CDC42BPB: variants seen among roughly 807,000 people sequenced by gnomAD.
CDC42BPB encodes serine/threonine-protein kinase MRCK beta.
A neutral mutation model predicts 214.9 loss-of-function variants in CDC42BPB; 37 were observed. The ratio of observed to expected loss-of-function variants is 0.17; its 90% CI spans 0.13 to 0.23. The LOEUF (loss-of-function observed/expected upper bound fraction) is 0.23, where lower values mean the gene tolerates loss of function less well. Ranked by LOEUF, CDC42BPB falls within the 10% of genes least tolerant of loss-of-function variation. The pLI, the probability that CDC42BPB is intolerant of heterozygous loss-of-function variation, is 1.00. For synonymous variants in CDC42BPB, 931 were observed against 884.0 expected (o/e 1.05, Z -0.94); for missense variants, 1,694 against 2,227.0 (o/e 0.76, Z 4.82).
chr14:102,974,133 C>T lies in CDC42BPB; in HGVS notation c.1524G>A (p.Glu508=), dbSNP rs774054692. 5.0e-6 allele frequency: 8 copies of T among 1,613,668 alleles called. No homozygotes were observed. The highest frequency in any genetic ancestry group is 1.3e-5 in the African/African-American group (1 of 74,918). The stretch of plus-strand genomic sequence containing the variant: ...GCGCCACTGTGTCCTCAAGCTGTCG[C>T]TCGAGCCTGTTTGAATCTGGACAAA... ...KNKIADSNRL[E]RQLEDTVALR... Residue 508 remains glutamate (E), a synonymous_variant, in exon 12 of 37, where the codon GAG becomes GAA. Coordinates refer to ENST00000361246, the MANE Select transcript of CDC42BPB (RefSeq NM_006035.4).
chr14:103,038,405 G>A (rs1887793323), intron 1 of CDC42BPB, among the ~76,000 whole-genome samples: 1 of 151,544 alleles, frequency 6.6e-6, no homozygotes, highest in Admixed American at 6.6e-5. Flanking sequence ...GGGCAACCCA[G>A]ATGTCCATCA....
In CDC42BPB at chr14:102,943,025, C is replaced by T. The variant is rs542075935; in HGVS notation, c.4408+866G>A. 5.9e-5 allele frequency among the ~76,000 whole-genome samples: 9 copies of T among 152,310 alleles called. No individual in the cohort carries two copies. The East Asian group carries it at 1.5e-3, about 26-fold the overall frequency. On this transcript the variant is annotated intron_variant, in intron 30 of 36. Transcript: ENST00000361246. This position sits in a 1 kb window ranked among gnomAD's most constrained non-coding sequence, Gnocchi z 4.6. ...CTGGGACTACAGGCGCCCGCCACCA[C>T]GCCCGGCTAATTTTTTTTTGTATTT...
chr14:102,950,086 C>A, intron 25 of CDC42BPB, 182 bp from the exon 26 acceptor site: 1 of 985,448 alleles, frequency 1.0e-6, no homozygotes, highest in Non-Finnish European at 1.2e-6. Flanking sequence ...TGGCAGCAGA[C>A]GGTGCCAGGG....
At chr14:103,002,018 T>C (rs1895010235) in intron 4 of CDC42BPB, among the ~76,000 whole-genome samples, 1 of 152,212 alleles carries the variant, frequency 6.6e-6, no homozygotes, top group Non-Finnish European at 1.5e-5. Context: ...GTTAAGCCAG[T>C]AAGTTTTAGT....
At chr14:102,967,416 T>G (rs1893261154) in intron 16 of CDC42BPB, 1 of 913,348 alleles carries the variant, frequency 1.1e-6, no homozygotes, top group Non-Finnish European at 1.3e-6. Context: ...ATCTTTTCGC[T>G]GAATACAAAC....
At chr14:102,993,115 C>G (rs976482598) in intron 5 of CDC42BPB, among the ~76,000 whole-genome samples, 2 of 152,184 alleles carry the variant, frequency 1.3e-5, no homozygotes, top group African/African-American at 4.8e-5. Flanking sequence ...CAGGCGTGAG[C>G]CACTGCACCT....
At chr14:102,942,430 A>G (rs377174409) in intron 30 of CDC42BPB, among the ~76,000 whole-genome samples, 9 of 151,886 alleles carry the variant, frequency 5.9e-5, no homozygotes, top group African/African-American at 2.2e-4. Context: ...TCATTCCCCA[A>G]CTCTTGGCCT....
At chr14:103,022,037 C>A (rs1251498500) in intron 1 of CDC42BPB, among the ~76,000 whole-genome samples, 1 of 152,070 alleles carries the variant, frequency 6.6e-6, no homozygotes, top group Non-Finnish European at 1.5e-5. Flanking sequence ...AGAGAGAAGC[C>A]CAAGGTGCCC....
intron 7 of CDC42BPB, among the ~76,000 whole-genome samples, chr14:102,982,321 C>A (rs1320458013): frequency 6.6e-6 from 1 of 152,226 alleles, no homozygotes; most frequent in Non-Finnish European, 1.5e-5. Context: ...CAGTGTTAAT[C>A]TGCTCCCTGT....
In CDC42BPB at chr14:102,944,521, G is replaced by A. The variant is rs535331113; in HGVS notation, c.3812-34C>T. On this transcript the variant is annotated intron_variant, in intron 29 of 36. Transcript: ENST00000361246. The surrounding 1 kb of genome is among the most constrained non-coding windows in gnomAD (Gnocchi z 6.6). ...AGGAGGACAAGAGCGTGAGGCCGAC[G>A]GGACAGCCAGCAGCTCCCAGGGGCT... is the stretch of plus-strand genomic sequence containing the variant. The A allele has an allele frequency of 7.6e-6, 12 of 1,585,772 alleles. No individual in the cohort carries two copies. Among genetic ancestry groups the A allele is most frequent in the East Asian group, 4.5e-5 (2 of 44,514 alleles).
At chr14:103,003,556 G>A (rs920120668) in intron 4 of CDC42BPB, among the ~76,000 whole-genome samples, 1 of 152,202 alleles carries the variant, frequency 6.6e-6, no homozygotes, top group African/African-American at 2.4e-5. Flanking sequence ...AGGCACTCCC[G>A]GACTCAGCCC....
chr14:103,048,652 G>A (rs1293902489), intron 1 of CDC42BPB, among the ~76,000 whole-genome samples: 4 of 150,374 alleles, frequency 2.7e-5, no homozygotes, highest in African/African-American at 7.4e-5. Flanking sequence ...AGCCTGCAGT[G>A]AGCCGAGATC....
intron 1 of CDC42BPB, among the ~76,000 whole-genome samples, chr14:103,030,593 G>A (rs533293236): frequency 2.0e-5 from 3 of 152,264 alleles, no homozygotes; most frequent in Non-Finnish European, 4.4e-5. Context: ...CTACTTGGGC[G>A]GCTGAGGCGG....
At position 103,007,499 on chromosome 14, in the gene CDC42BPB, G is replaced by A. The variant is rs114239884; in HGVS notation, c.351+973C>T. ...CGTCACCTCAAATTACTAGAAGGGT[G>A]AGAGGAGTAAGAGGAGAGGGTCTAG... On this transcript the variant is annotated intron_variant, in intron 3 of 36. Coordinates refer to ENST00000361246, the MANE Select transcript of CDC42BPB (RefSeq NM_006035.4). Among the ~76,000 whole-genome samples, 846 of 152,326 alleles carry A rather than the reference G, an allele frequency of 5.6e-3. 13 individuals are homozygous for A. The highest frequency in any genetic ancestry group is 0.02 in the African/African-American group (811 of 41,562).
chr14:102,982,184 C>G (rs1427606863), intron 7 of CDC42BPB, among the ~76,000 whole-genome samples: 1 of 152,184 alleles, frequency 6.6e-6, no homozygotes, highest in African/African-American at 2.4e-5. Context: ...TTTGCATTGT[C>G]TGAAGTTTTT....
At chr14:103,045,555 C>T (rs1447513944) in intron 1 of CDC42BPB, among the ~76,000 whole-genome samples, 1 of 152,182 alleles carries the variant, frequency 6.6e-6, no homozygotes, top group African/African-American at 2.4e-5. Context: ...CAGGTACTCC[C>T]TGCTTCTTCA....
chr14:102,983,799 C>T (rs1322873914), intron 6 of CDC42BPB, 43 bp from the exon 7 acceptor site: 2 of 1,583,980 alleles, frequency 1.3e-6, no homozygotes, highest in East Asian at 2.3e-5. Flanking sequence ...TAGGGCATCT[C>T]CAATCACATA....
chr14:103,044,635 C>T (rs1269943607), intron 1 of CDC42BPB, among the ~76,000 whole-genome samples: 1 of 152,008 alleles, frequency 6.6e-6, no homozygotes, highest in East Asian at 2.0e-4. Flanking sequence ...TCCCAAAGTG[C>T]TGGGATTACG....
rs149815807 is a variant in CDC42BPB, at chr14:102,967,056, T to C, written c.2461A>G (p.Ile821Val). ...GGGCCGCGCACGTACCACTGAATGA[T>C]TTCCGCAATCTGAGCTTCCCAGTGG... ...VAHWEAQIAEIIQWVSDEKDA... is the reference protein window; with the variant it reads ...VAHWEAQIAEVIQWVSDEKDA... The change falls in exon 17 of 37, where the codon ATC (isoleucine) becomes GTC (valine). Residue 821 changes from isoleucine (I) to valine (V), a missense_variant. By Grantham distance (29) the Ile-to-Val change is conservative. Coordinates refer to ENST00000361246, the MANE Select transcript of CDC42BPB (RefSeq NM_006035.4). 4 of 1,613,950 alleles carry C rather than the reference T, an allele frequency of 2.5e-6. No individual in the cohort carries two copies. The highest frequency in any genetic ancestry group is 1.3e-5 in the African/African-American group (1 of 74,946).
Sources: allele counts gnomAD v4.1 joint callset (sites outside exome capture counted in the v4.1 genomes callset), GRCh38; gene constraint gnomAD v4.1.1; non-coding constraint Gnocchi (gnomAD v3.1); transcripts MANE v1.5; gene names NCBI Gene and HGNC (gene_info 2026-07-23, HGNC 2026-07-21).